DENND1A: variants seen among roughly 807,000 people sequenced by gnomAD.
DENND1A encodes DENN domain containing 1A, also known as DENN domain-containing protein 1A.
In DENND1A, 51 loss-of-function variants were observed where a neutral mutation model predicts 113.7. The observed-to-expected ratio is 0.45, with a 90% confidence interval of 0.36 to 0.57. DENND1A has a LOEUF of 0.57. DENND1A is among the 20% of genes least tolerant of loss of function. The pLI is 0.00. For missense variants in DENND1A, 1,258 were observed against 1,395.9 expected (o/e 0.90, Z 1.57); for synonymous variants, 565 against 570.8 (o/e 0.99, Z 0.14).
intron 13 of DENND1A, among the ~76,000 whole-genome samples, chr9:123,471,307 G>T (rs1308237288): frequency 6.6e-6 from 1 of 152,160 alleles, no homozygotes; most frequent in African/African-American, 2.4e-5. Context: ...CCGAATGGGG[G>T]AGCTACTTCC....
At chr9:123,711,486 A>AAAAAATATATATATATGTATATATGT (rs1318894625) in intron 5 of DENND1A, among the ~76,000 whole-genome samples, 6 of 101,788 alleles carry the variant, frequency 5.9e-5, no homozygotes, top group African/African-American at 1.8e-4. Flanking sequence ...TAAATTAAAA[A>AAAAAATATATATATATGTATATATGT]ATATATATAT....
chr9:123,630,572 T>A, intron 9 of DENND1A, 96 bp from the exon 10 acceptor site: 1 of 775,194 alleles, frequency 1.3e-6, no homozygotes, highest in Non-Finnish European at 1.8e-6. Context: ...CTTCAATATG[T>A]TTACATGATA....
At chr9:123,667,691 T>C (rs1564914871) in intron 7 of DENND1A, among the ~76,000 whole-genome samples, 1 of 152,340 alleles carries the variant, frequency 6.6e-6, no homozygotes, top group East Asian at 1.9e-4. Context: ...TCATAATTTA[T>C]TGTTCAGTGA....
intron 4 of DENND1A, among the ~76,000 whole-genome samples, chr9:123,763,935 T>C (rs949493308): frequency 7.3e-5 from 11 of 151,426 alleles, no homozygotes; most frequent in African/African-American, 2.4e-4. Context: ...AAATAGAGAA[T>C]CAGAAAGCAA....
At chr9:123,464,172 C>T (rs1381069255) in intron 13 of DENND1A, among the ~76,000 whole-genome samples, 1 of 152,184 alleles carries the variant, frequency 6.6e-6, no homozygotes, top group African/African-American at 2.4e-5. Flanking sequence ...ATGGTCTAGG[C>T]TCTGTGTTAG....
chr9:123,563,527 A>G (rs1589149636), intron 12 of DENND1A, among the ~76,000 whole-genome samples: 1 of 152,230 alleles, frequency 6.6e-6, no homozygotes, highest in Admixed American at 6.5e-5. Flanking sequence ...GGAGTAAAAT[A>G]TAATGGATAT....
At chr9:123,902,438 G>A (rs1851825674) in intron 1 of DENND1A, among the ~76,000 whole-genome samples, 2 of 152,128 alleles carry the variant, frequency 1.3e-5, no homozygotes, top group Admixed American at 6.5e-5. Flanking sequence ...AATTCAACTA[G>A]GAACAATGAA....
intron 13 of DENND1A, among the ~76,000 whole-genome samples, chr9:123,540,170 T>C (rs1431352684): frequency 6.6e-6 from 1 of 152,210 alleles, no homozygotes; most frequent in African/African-American, 2.4e-5. Context: ...ATGGTTACTG[T>C]GGTATATTTT....
chr9:123,414,322 A>C, intron 19 of DENND1A: 1 of 1,409,110 alleles, frequency 7.1e-7, no homozygotes, highest in Non-Finnish European at 9.2e-7. Context: ...AACCATTACC[A>C]TCAGCAGGTT....
intron 13 of DENND1A, among the ~76,000 whole-genome samples, chr9:123,491,542 T>C (rs1218581917): frequency 6.6e-6 from 1 of 152,218 alleles, no homozygotes; most frequent in East Asian, 1.9e-4. Context: ...CGCTCTAGTA[T>C]AATGTTAGCT....
At chr9:123,886,338 C>T (rs1588089147) in intron 1 of DENND1A, among the ~76,000 whole-genome samples, 1 of 152,076 alleles carries the variant, frequency 6.6e-6, no homozygotes, top group East Asian at 1.9e-4. Context: ...CATATGGTAA[C>T]CATGCCACAA....
intron 5 of DENND1A, among the ~76,000 whole-genome samples, chr9:123,718,941 C>T (rs931493985): frequency 6.6e-6 from 1 of 152,140 alleles, no homozygotes; most frequent in Non-Finnish European, 1.5e-5. Context: ...ATAACTGAAT[C>T]ACAGGGGCAG....
intron 3 of DENND1A, among the ~76,000 whole-genome samples, chr9:123,788,493 A>G (rs866095365): frequency 1.8e-4 from 27 of 152,164 alleles, no homozygotes; most frequent in African/African-American, 5.8e-4. Flanking sequence ...ACTAATCACA[A>G]TAAGTAAAGT....
chr9:123,624,433 G>A (rs539409291), intron 10 of DENND1A, among the ~76,000 whole-genome samples: 11 of 152,308 alleles, frequency 7.2e-5, no homozygotes, highest in African/African-American at 2.6e-4. Flanking sequence ...CATTATGGAA[G>A]CTGTGTTTTT....
intron 4 of DENND1A, among the ~76,000 whole-genome samples, chr9:123,769,240 T>C (rs1230426974): frequency 6.6e-6 from 1 of 152,180 alleles, no homozygotes; most frequent in Non-Finnish European, 1.5e-5. Flanking sequence ...TACCAACCAT[T>C]CTTAATCACA....
At chr9:123,808,221 C>T (rs1231390981) in intron 2 of DENND1A, among the ~76,000 whole-genome samples, 2 of 151,774 alleles carry the variant, frequency 1.3e-5, no homozygotes, top group Non-Finnish European at 2.9e-5. Context: ...AGCAAAACTC[C>T]GTCTCCAACA....
intron 13 of DENND1A, among the ~76,000 whole-genome samples, chr9:123,466,881 TAAAA>T (rs55719445): frequency 5.4e-4 from 80 of 147,210 alleles, no homozygotes; most frequent in Non-Finnish European, 5.8e-4. Flanking sequence ...CCCCATCTCT[TAAAA>T]AAAAAAAAAA....
chr9:123,782,772 T>C (rs1831523220), intron 3 of DENND1A, among the ~76,000 whole-genome samples: 1 of 152,206 alleles, frequency 6.6e-6, no homozygotes, highest in Admixed American at 6.5e-5. Flanking sequence ...AACAACATTA[T>C]ATCACACAAT....
At chr9:123,904,111 C>G (rs930967700) in intron 1 of DENND1A, among the ~76,000 whole-genome samples, 1 of 152,148 alleles carries the variant, frequency 6.6e-6, no homozygotes, top group Non-Finnish European at 1.5e-5. Context: ...AGCAGGGGCA[C>G]ACTGACACCT....
Sources: allele counts gnomAD v4.1 joint callset (sites outside exome capture counted in the v4.1 genomes callset), GRCh38; gene constraint gnomAD v4.1.1; transcripts MANE v1.5; gene names NCBI Gene and HGNC (gene_info 2026-07-23, HGNC 2026-07-21).